SCAI: variants seen among roughly 807,000 people sequenced by gnomAD.
SCAI encodes protein SCAI.
Under a neutral mutation model 92.2 loss-of-function variants are expected in SCAI, and 24 were observed. The observed-to-expected ratio is 0.26, with a 90% CI of 0.19 to 0.37. SCAI has a LOEUF of 0.37. Among genes scored for constraint, SCAI ranks in the 10% least tolerant of loss-of-function variants. SCAI has a pLI of 1.00. For missense variants in SCAI, 450 were observed against 736.2 expected (o/e 0.61, Z 4.50); for synonymous variants, 261 against 258.6 (o/e 1.01, Z -0.09).
chr9:124,959,824 T>C (rs2131576915), intron 17 of SCAI, among the ~76,000 whole-genome samples: 1 of 152,192 alleles, frequency 6.6e-6, no homozygotes, highest in Admixed American at 6.5e-5. Flanking sequence ...CTGAGAATGA[T>C]GGTTTCCACC....
At chr9:125,128,781 G>A (rs886550981) in intron 2 of SCAI, among the ~76,000 whole-genome samples, 1 of 150,982 alleles carries the variant, frequency 6.6e-6, no homozygotes, top group African/African-American at 2.4e-5. Flanking sequence ...ATTGAATTCA[G>A]GCCGGGCACA....
rs750635813 is a variant in SCAI, at chr9:124,971,822, G to C, written c.1422C>G (p.Leu474=). Residue 474 remains leucine, a synonymous_variant, in exon 16 of 18, where the codon CTC becomes CTG. Coordinates refer to ENST00000336505, the MANE Select transcript of SCAI (RefSeq NM_001144877.3). Reference sequence around the variant, plus strand: ...GAGGATTGTTCAAAAAGAGAGTGAAGAGGCTACCTCGCTGAGATTGATCTG... The same window carrying C: ...GAGGATTGTTCAAAAAGAGAGTGAACAGGCTACCTCGCTGAGATTGATCTG... ...ALQDQSQRGS[L]FTLFLNNPLM... The C allele has an allele frequency of 1.6e-5, 26 of 1,602,830 alleles. No individual in the cohort carries two copies. In the Admixed American group the frequency reaches 4.5e-4, roughly 28 times the overall value.
chr9:124,984,518 G>C (rs1033589520), intron 14 of SCAI, among the ~76,000 whole-genome samples: 1 of 152,144 alleles, frequency 6.6e-6, no homozygotes, highest in Non-Finnish European at 1.5e-5. Context: ...ATAGGATCTT[G>C]GATATACATA....
chr9:125,085,971 T>C (rs1253160494), intron 2 of SCAI, among the ~76,000 whole-genome samples: 1 of 152,168 alleles, frequency 6.6e-6, no homozygotes, highest in Non-Finnish European at 1.5e-5. Flanking sequence ...CTGTCAAGCC[T>C]CTACCCTTAG....
In SCAI at chr9:125,003,048, G is replaced by A. The variant is rs1039537805; in HGVS notation, c.1065+66C>T. On this transcript the variant is annotated intron_variant, in intron 11 of 17. Transcript: ENST00000336505. Reference sequence around the variant, plus strand: ...AACTCTTAAGTATTTTTTCAAAAGAGTGACTCTTAGATTTTAGTTAGGGCA... The same window carrying A: ...AACTCTTAAGTATTTTTTCAAAAGAATGACTCTTAGATTTTAGTTAGGGCA... The A allele has an allele frequency of 7.1e-6, 7 of 989,102 alleles. No homozygotes were observed. In the African/African-American group the frequency reaches 9.8e-5, roughly 14 times the overall value. The allele number at this position is 989,102 out of a possible 1,614,324, so 61.3% of individuals were successfully genotyped here. A position where few individuals can be genotyped will look rare whatever the true frequency, so the allele number is the denominator to read the frequency against.
At chr9:125,009,831 G>A (rs1832593571) in intron 9 of SCAI, among the ~76,000 whole-genome samples, 1 of 151,930 alleles carries the variant, frequency 6.6e-6, no homozygotes, top group South Asian at 2.1e-4. Context: ...AGCCAGAGGT[G>A]GCAGTGAGTC....
chr9:125,142,202 C>G (rs1835682821), intron 2 of SCAI: 1 of 159,696 alleles, frequency 6.3e-6, no homozygotes, highest in Admixed American at 6.3e-5. Context: ...GAGTCTTGCT[C>G]TGTTGCCCAG....
rs749423939 is a variant in SCAI, at chr9:125,091,048, C to T, written c.99-35041G>A. Among the ~76,000 whole-genome samples the T allele has an allele frequency of 6.6e-6, 1 of 152,102 alleles. No individual in the cohort carries two copies. Among genetic ancestry groups the T allele is most frequent in the African/African-American group, 2.4e-5 (1 of 41,410 alleles). Reference sequence around the variant, plus strand: ...CAGGAGAATAGGTGAACCCGGGAGGCGGAGCTTGCAGTGAGCTGAGATCGC... The same window carrying T: ...CAGGAGAATAGGTGAACCCGGGAGGTGGAGCTTGCAGTGAGCTGAGATCGC... On this transcript the variant is annotated intron_variant, in intron 2 of 17. Transcript: ENST00000336505. This position sits in a 1 kb window ranked among gnomAD's most constrained non-coding sequence, Gnocchi z 4.3.
Position 124,952,545 on chromosome 9 carries a change from A to T in SCAI, c.*262T>A, listed in dbSNP as rs1400130192. 1 of 335,146 alleles carries T rather than the reference A, an allele frequency of 3.0e-6. No homozygotes were observed. 20.8% of individuals were successfully genotyped at this position (335,146 alleles called of 1,614,324 possible). On this transcript the variant is annotated 3_prime_UTR_variant, in exon 18 of 18. Coordinates refer to ENST00000336505, the MANE Select transcript of SCAI (RefSeq NM_001144877.3). ...AGAATAGTGACTATTTGAGTGTAGGATTAGAAGTTGGAGGTAAATATCCAT... is the reference window on the plus strand; with the variant it reads ...AGAATAGTGACTATTTGAGTGTAGGTTTAGAAGTTGGAGGTAAATATCCAT...
intron 2 of SCAI, among the ~76,000 whole-genome samples, chr9:125,111,003 G>C (rs141766451): frequency 1.1e-3 from 160 of 152,260 alleles, no homozygotes; most frequent in Non-Finnish European, 2.0e-3. Flanking sequence ...GAGAAAAAGA[G>C]AGAACATTTC....
At chr9:125,089,933 T>C (rs1476606194) in intron 2 of SCAI, among the ~76,000 whole-genome samples, 1 of 152,154 alleles carries the variant, frequency 6.6e-6, no homozygotes, top group Non-Finnish European at 1.5e-5. Flanking sequence ...CAATAACAGA[T>C]ATGTAAATGA....
chr9:124,971,567 G>T, intron 16 of SCAI, 97 bp from the exon 17 acceptor site: 2 of 1,394,566 alleles, frequency 1.4e-6, no homozygotes, highest in Non-Finnish European at 2.0e-6. Flanking sequence ...CAACTTTCCT[G>T]CCTGGGACAC....
At chr9:125,066,740 A>G (rs1166149236) in intron 2 of SCAI, among the ~76,000 whole-genome samples, 1 of 152,214 alleles carries the variant, frequency 6.6e-6, no homozygotes, top group African/African-American at 2.4e-5. Flanking sequence ...GGCGTGAGCC[A>G]CTGCGCCTGG....
chr9:124,977,005 A>T (rs1356575562), intron 14 of SCAI, among the ~76,000 whole-genome samples: 1 of 151,888 alleles, frequency 6.6e-6, no homozygotes, highest in African/African-American at 2.4e-5. Flanking sequence ...AGTAGCTAGG[A>T]CTACAGGTGC....
intron 2 of SCAI, among the ~76,000 whole-genome samples, chr9:125,077,814 G>A (rs1041409903): frequency 2.0e-5 from 3 of 152,104 alleles, no homozygotes; most frequent in African/African-American, 4.8e-5. Flanking sequence ...TGCCTCCTAA[G>A]TTCAAGCTAT....
At chr9:125,085,577 C>T (rs1834309820) in intron 2 of SCAI, among the ~76,000 whole-genome samples, 1 of 152,162 alleles carries the variant, frequency 6.6e-6, no homozygotes, top group South Asian at 2.1e-4. Flanking sequence ...AATCCCAGCA[C>T]TTTGGGAAGC....
At position 124,944,578 on chromosome 9, in the gene SCAI, C is replaced by CT. The variant is rs1831113081; in HGVS notation, c.*8228dup. On this transcript the variant is annotated 3_prime_UTR_variant, in exon 18 of 18. Transcript: ENST00000336505. The stretch of plus-strand genomic sequence containing the variant: ...TAAAAATTCTTATTGTGCTAAAACA[C>CT]TAAGCAATTTTTCCTGCAGATTTTT... 1 of 146,136 alleles carries CT rather than the reference C, an allele frequency of 6.8e-6. No homozygotes were observed. Among genetic ancestry groups the CT allele is most frequent in the South Asian group, 2.2e-4 (1 of 4,576 alleles). The allele number at this position is 146,136 out of a possible 1,614,324, so 9.1% of individuals were successfully genotyped here.
At chr9:124,988,957 G>C (rs1311618270) in intron 14 of SCAI, among the ~76,000 whole-genome samples, 1 of 152,028 alleles carries the variant, frequency 6.6e-6, no homozygotes, top group Admixed American at 6.6e-5. Flanking sequence ...GGCCAAGATG[G>C]TGAAACCCCA....
chr9:125,004,767 A>T (rs1564374705), intron 9 of SCAI, among the ~76,000 whole-genome samples: 105 of 7,448 alleles, frequency 0.014, 8 homozygotes, highest in Non-Finnish European at 0.022. Context: ...ATATATATAT[A>T]TATATATATA....
Sources: gnomAD v4.1 joint callset for allele counts (sites outside exome capture counted in the v4.1 genomes callset) on GRCh38, gnomAD v4.1.1 for gene constraint, Gnocchi (gnomAD v3.1) non-coding constraint, MANE v1.5 for transcripts, NCBI Gene and HGNC (gene_info 2026-07-23, HGNC 2026-07-21) for gene names.